Variants in GRM5 observed in about 807,000 individuals in gnomAD.
GRM5 encodes the protein metabotropic glutamate receptor 5.
A neutral mutation model predicts 83.1 loss-of-function variants in GRM5; 19 were observed. The observed-to-expected ratio is 0.23, with a 90% confidence interval of 0.16 to 0.34. The LOEUF is 0.34. GRM5 is among the 10% of genes least tolerant of loss of function. The pLI is 1.00. For missense variants in GRM5, 1,160 were observed against 1,588.3 expected (o/e 0.73, Z 4.58); for synonymous variants, 675 against 633.6 (o/e 1.07, Z -0.98).
chr11:88,815,392 C>G (rs945153660), intron 3 of GRM5, among the ~76,000 whole-genome samples: 1 of 152,040 alleles, frequency 6.6e-6, no homozygotes, highest in Non-Finnish European at 1.5e-5. Flanking sequence ...AAATAAAACA[C>G]AACATATTAA....
Position 88,567,441 on chromosome 11 carries a change from C to T in GRM5, c.2242G>A (p.Gly748Arg). 1 of 1,614,076 alleles carries T rather than the reference C, an allele frequency of 6.2e-7. No individual in the cohort carries two copies. Among genetic ancestry groups the T allele is most frequent in the Non-Finnish European group, 8.5e-7 (1 of 1,179,952 alleles). ...LGVVTPLGYNGLLILSCTFYA... is the reference protein window; with the variant it reads ...LGVVTPLGYNRLLILSCTFYA... Reference sequence around the variant, plus strand: ...AAGGTGCAGCTCAAAATCAACAATCCATTGTATCCAAGTGGAGTGACAACT... The same window carrying T: ...AAGGTGCAGCTCAAAATCAACAATCTATTGTATCCAAGTGGAGTGACAACT... Residue 748 changes from glycine to arginine, a missense_variant, in exon 8 of 10, where the codon GGA (glycine) becomes AGA (arginine). By Grantham distance (125) the Gly-to-Arg change is moderately radical. Around this residue, in one of 9 missense-constraint regions of GRM5, gnomAD observed 66 missense variants for 138.6 expected, o/e 0.48. Coordinates refer to ENST00000305447, the MANE Select transcript of GRM5 (RefSeq NM_001143831.3). The surrounding 1 kb of genome is among the most constrained non-coding windows in gnomAD (Gnocchi z 7.3).
chr11:88,765,936 T>TTA (rs879590779), intron 3 of GRM5, among the ~76,000 whole-genome samples: 10 of 151,784 alleles, frequency 6.6e-5, no homozygotes, highest in Admixed American at 2.6e-4. Flanking sequence ...TGTTTGCAAC[T>TTA]TATATATATA....
chr11:88,581,069 T>A (rs552755321), intron 7 of GRM5, among the ~76,000 whole-genome samples: 1 of 152,278 alleles, frequency 6.6e-6, no homozygotes, highest in African/African-American at 2.4e-5. Context: ...GACAGTGATG[T>A]GCCACTGCAC....
At position 88,872,910 on chromosome 11, in the gene GRM5, C is replaced by G. The variant is rs189431450; in HGVS notation, c.662-22755G>C. On this transcript the variant is annotated intron_variant, in intron 2 of 9. Transcript: ENST00000305447. ...ATGAAATTCTTCAATCAAAATAAAA[C>G]AGAAAGGCTGAATGAATTAAAAAAA... Among the ~76,000 whole-genome samples, 233 of 147,122 alleles carry G rather than the reference C, an allele frequency of 1.6e-3. 1 individual carries two copies. The highest frequency in any genetic ancestry group is 5.4e-3 in the African/African-American group (217 of 40,038).
intron 3 of GRM5, among the ~76,000 whole-genome samples, chr11:88,664,826 T>C (rs915663485): frequency 4.6e-5 from 7 of 152,318 alleles, no homozygotes; most frequent in African/African-American, 1.7e-4. Flanking sequence ...GTATATACTA[T>C]ATGATAATGA....
chr11:88,643,894 A>G (rs1485251593), intron 4 of GRM5, among the ~76,000 whole-genome samples: 1 of 152,200 alleles, frequency 6.6e-6, no homozygotes, highest in Non-Finnish European at 1.5e-5. Flanking sequence ...TGCATAAGGA[A>G]GTATCCTCTA....
intron 3 of GRM5, among the ~76,000 whole-genome samples, chr11:88,723,050 C>T (rs1005074823): frequency 1.3e-5 from 2 of 152,104 alleles, no homozygotes; most frequent in Non-Finnish European, 2.9e-5. Context: ...TCCCTTGAAA[C>T]CCGTCAACCA....
intron 6 of GRM5, among the ~76,000 whole-genome samples, chr11:88,595,095 A>G (rs1324100291): frequency 6.6e-6 from 1 of 151,852 alleles, no homozygotes; most frequent in Non-Finnish European, 1.5e-5. Flanking sequence ...TTTTTATCAC[A>G]TACTTCTTTT....
At chr11:88,959,435 CATATT>C (rs761882099) in intron 2 of GRM5, among the ~76,000 whole-genome samples, 6 of 151,600 alleles carry the variant, frequency 4.0e-5, no homozygotes, top group Non-Finnish European at 5.9e-5. Context: ...AAAATATAAA[CATATT>C]ATAATTAATT....
intron 2 of GRM5, among the ~76,000 whole-genome samples, chr11:88,872,606 A>T (rs944103556): frequency 1.3e-5 from 2 of 151,358 alleles, no homozygotes; most frequent in Admixed American, 1.3e-4. Flanking sequence ...TAGAAACTAG[A>T]ATAAGAGATT....
At chr11:88,736,307 T>A (rs1846475) in intron 3 of GRM5, among the ~76,000 whole-genome samples, 2,990 of 152,162 alleles carry the variant, frequency 0.02, 72 homozygotes, top group East Asian at 0.099. Flanking sequence ...TTCTGCGGGA[T>A]CTTTGTGTTT....
intron 3 of GRM5, among the ~76,000 whole-genome samples, chr11:88,725,659 C>G (rs894338387): frequency 6.6e-6 from 1 of 152,082 alleles, no homozygotes; most frequent in Non-Finnish European, 1.5e-5. Context: ...CTGGTGGGTA[C>G]CCCTATGGGA....
chr11:88,870,500 A>G (rs1441752965), intron 2 of GRM5, among the ~76,000 whole-genome samples: 1 of 151,530 alleles, frequency 6.6e-6, no homozygotes, highest in Non-Finnish European at 1.5e-5. Context: ...AGTTAATCAT[A>G]AAGCCACTTC....
chr11:88,939,338 G>C (rs773692051), intron 2 of GRM5, among the ~76,000 whole-genome samples: 3 of 151,542 alleles, frequency 2.0e-5, no homozygotes, highest in Non-Finnish European at 4.4e-5. Flanking sequence ...GTGATACAAG[G>C]GTGCCCACAT....
intron 2 of GRM5, among the ~76,000 whole-genome samples, chr11:88,930,216 C>G (rs1053482067): frequency 6.6e-6 from 1 of 151,710 alleles, no homozygotes; most frequent in African/African-American, 2.4e-5. Flanking sequence ...TGAGACCAAC[C>G]TGAGCAGCAT....
intron 3 of GRM5, among the ~76,000 whole-genome samples, chr11:88,689,654 T>C (rs1668048247): frequency 1.3e-5 from 2 of 152,188 alleles, no homozygotes; most frequent in Admixed American, 1.3e-4. Context: ...GGATTCAGCT[T>C]TAGCAGATCA....
chr11:88,542,016 C>A (rs189275750), intron 8 of GRM5, among the ~76,000 whole-genome samples: 10 of 152,284 alleles, frequency 6.6e-5, no homozygotes, highest in Admixed American at 5.9e-4. Context: ...GAAGAAGGTA[C>A]CTGCTTAACA....
chr11:88,647,048 G>A (rs996788145), intron 4 of GRM5, among the ~76,000 whole-genome samples: 15 of 152,020 alleles, frequency 9.9e-5, no homozygotes, highest in Admixed American at 9.8e-4. Flanking sequence ...GGTGATGACC[G>A]TCAATCCTTG....
At chr11:88,552,457 A>G (rs1942530238) in intron 8 of GRM5, among the ~76,000 whole-genome samples, 1 of 152,158 alleles carries the variant, frequency 6.6e-6, no homozygotes, top group South Asian at 2.1e-4. Context: ...CTCTACTCTT[A>G]CCACTGCTTC....
Sources: allele counts gnomAD v4.1 joint callset (sites outside exome capture counted in the v4.1 genomes callset), GRCh38; gene constraint gnomAD v4.1.1; regional missense constraint gnomAD v4.1.1; non-coding constraint Gnocchi (gnomAD v3.1); transcripts MANE v1.5; gene names NCBI Gene and HGNC (gene_info 2026-07-23, HGNC 2026-07-21).